CNTNAP2: variants seen among roughly 807,000 people sequenced by gnomAD.
CNTNAP2 encodes contactin associated protein 2, also known as contactin-associated protein-like 2.
In CNTNAP2, 98 loss-of-function variants were observed where a neutral mutation model predicts 155.2. The ratio of observed to expected loss-of-function variants is 0.63; its 90% CI spans 0.54 to 0.75. CNTNAP2 has a LOEUF of 0.75. CNTNAP2 is among the 30% of genes least tolerant of loss of function. CNTNAP2 has a pLI of 0.00. For synonymous variants in CNTNAP2, 651 were observed against 631.2 expected (o/e 1.03, Z -0.47); for missense variants, 1,727 against 1,688.1 (o/e 1.02, Z -0.40).
intron 15 of CNTNAP2, among the ~76,000 whole-genome samples, chr7:148,064,493 G>A (rs1031845630): frequency 1.3e-5 from 2 of 151,822 alleles, no homozygotes; most frequent in African/African-American, 4.8e-5. Flanking sequence ...CGTTCACTAA[G>A]GATATGATTG....
intron 10 of CNTNAP2, among the ~76,000 whole-genome samples, chr7:147,431,259 G>A (rs1016026856): frequency 1.3e-5 from 2 of 152,058 alleles, no homozygotes; most frequent in African/African-American, 4.8e-5. Context: ...AACCTTTAAT[G>A]AATTCCATGT....
At chr7:147,766,793 T>C (rs1304119760) in intron 13 of CNTNAP2, among the ~76,000 whole-genome samples, 3 of 152,138 alleles carry the variant, frequency 2.0e-5, no homozygotes, top group Non-Finnish European at 2.9e-5. Flanking sequence ...TCCCCCAAAA[T>C]ACTATATCTT....
intron 3 of CNTNAP2, among the ~76,000 whole-genome samples, chr7:146,910,326 A>C (rs1203566893): frequency 1.3e-5 from 2 of 150,222 alleles, no homozygotes; most frequent in African/African-American, 5.0e-5. Flanking sequence ...TATGGTACCA[A>C]AAAAGAGCCC....
intron 12 of CNTNAP2, among the ~76,000 whole-genome samples, chr7:147,622,102 T>C (rs1229659972): frequency 6.6e-6 from 1 of 151,972 alleles, no homozygotes; most frequent in Non-Finnish European, 1.5e-5. Flanking sequence ...TTTAAATACA[T>C]ATGCATTTAA....
Position 148,147,672 on chromosome 7 carries a change from C to A in CNTNAP2, c.2736C>A (p.Gly912=). ...PQQIRKAPTE[G]HTRLELYSQL... ...AGATCCGCAAGGCCCCAACAGAAGG[C>A]CACACCCGCCTGGAGCTCTACAGCC... The change falls in exon 17 of 24, where the codon GGC becomes GGA. Residue 912 remains glycine, a synonymous_variant. Transcript: ENST00000361727. 1 of 1,613,966 alleles carries A rather than the reference C, an allele frequency of 6.2e-7. No individual in the cohort carries two copies. Among genetic ancestry groups the A allele is most frequent in the South Asian group, 1.1e-5 (1 of 91,070 alleles).
chr7:147,024,516 A>G (rs949131540), intron 3 of CNTNAP2, among the ~76,000 whole-genome samples: 1 of 152,234 alleles, frequency 6.6e-6, no homozygotes, highest in Non-Finnish European at 1.5e-5. Context: ...GTTGTAAAGA[A>G]ATATTGAGAC....
intron 8 of CNTNAP2, among the ~76,000 whole-genome samples, chr7:147,162,833 T>A (rs1475461974): frequency 6.6e-6 from 1 of 152,204 alleles, no homozygotes; most frequent in African/African-American, 2.4e-5. Flanking sequence ...TATATATTAA[T>A]AATGTTTCTC....
chr7:146,932,405 C>G (rs7798191), intron 3 of CNTNAP2, among the ~76,000 whole-genome samples: 116,641 of 142,086 alleles, frequency 0.82, 45,693 homozygotes, highest in East Asian at 0.99. Flanking sequence ...GCTAAAAACT[C>G]TCAATAAATT....
chr7:148,413,690 T>C lies in CNTNAP2; in HGVS notation c.3797-1727T>C, dbSNP rs912498448. 2.0e-5 allele frequency among the ~76,000 whole-genome samples: 3 copies of C among 152,122 alleles called. No individual in the cohort carries two copies. The East Asian group carries it at 5.8e-4, about 29-fold the overall frequency. ...AGTGTTAAAAAATCTCCAACTATAA[T>C]TGCAAATTGGTCTAATTGTCCTACC... On this transcript the variant is annotated intron_variant, in intron 23 of 23. Coordinates refer to ENST00000361727, the MANE Select transcript of CNTNAP2 (RefSeq NM_014141.6).
At chr7:148,247,074 C>T (rs1296441599) in intron 20 of CNTNAP2, among the ~76,000 whole-genome samples, 1 of 152,136 alleles carries the variant, frequency 6.6e-6, no homozygotes, top group Admixed American at 6.5e-5. Flanking sequence ...ATGATTGACA[C>T]AAACCTCTTC....
At chr7:146,490,479 C>T (rs568385801) in intron 1 of CNTNAP2, among the ~76,000 whole-genome samples, 79 of 152,144 alleles carry the variant, frequency 5.2e-4, no homozygotes, top group African/African-American at 1.7e-3. Context: ...CATGTTTTCC[C>T]GCGACATAAC....
intron 1 of CNTNAP2, among the ~76,000 whole-genome samples, chr7:146,535,596 T>C (rs1393552417): frequency 2.7e-5 from 4 of 150,714 alleles, no homozygotes; most frequent in Non-Finnish European, 5.9e-5. Context: ...TATAAATTTA[T>C]GGGTTGCAAT....
intron 5 of CNTNAP2, among the ~76,000 whole-genome samples, chr7:147,120,382 C>G (rs1023327484): frequency 6.6e-6 from 1 of 152,050 alleles, no homozygotes; most frequent in African/African-American, 2.4e-5. Context: ...CTCAACTTGT[C>G]CTGGAACCCA....
intron 1 of CNTNAP2, among the ~76,000 whole-genome samples, chr7:146,383,582 C>T (rs1025447203): frequency 2.0e-5 from 3 of 152,084 alleles, no homozygotes; most frequent in African/African-American, 7.2e-5. Context: ...TTTGGTGTGA[C>T]CTAGGTGAAT....
At chr7:146,614,127 C>T (rs1799185479) in intron 1 of CNTNAP2, among the ~76,000 whole-genome samples, 2 of 152,012 alleles carry the variant, frequency 1.3e-5, no homozygotes, top group Admixed American at 6.6e-5. Context: ...TTAAGCAATG[C>T]ATTTGTAGAA....
At chr7:146,914,734 C>T (rs1407475961) in intron 3 of CNTNAP2, among the ~76,000 whole-genome samples, 2 of 152,066 alleles carry the variant, frequency 1.3e-5, no homozygotes, top group African/African-American at 4.8e-5. Context: ...AGATTTTCTC[C>T]CACTCTGTGG....
chr7:146,935,592 T>C (rs970456646), intron 3 of CNTNAP2, among the ~76,000 whole-genome samples: 10 of 152,216 alleles, frequency 6.6e-5, no homozygotes, highest in African/African-American at 2.4e-4. Context: ...TCCCTCATGA[T>C]AAGCTGTCTA....
rs988874629 is a variant in CNTNAP2, at chr7:147,421,568, T to G, written c.1670+25788T>G. On this transcript the variant is annotated intron_variant, in intron 10 of 23. Transcript: ENST00000361727. ...AAATATCTAGGGATCTGATATGTCCTGGTATGTCTATCTAATCTGTGTGTG... is the reference window on the plus strand; with the variant it reads ...AAATATCTAGGGATCTGATATGTCCGGGTATGTCTATCTAATCTGTGTGTG... Among the ~76,000 whole-genome samples, 13 of 141,876 alleles carry G rather than the reference T, an allele frequency of 9.2e-5. No individual in the cohort carries two copies. In the East Asian group the frequency reaches 2.5e-3, roughly 28 times the overall value. 93.1% of individuals were successfully genotyped at this position (141,876 alleles called of 152,430 possible). A position where few individuals can be genotyped will look rare whatever the true frequency, so the allele number is the denominator to read the frequency against.
rs567469746 is a variant in CNTNAP2 at position 147,649,548 on chromosome 7, T to C, written c.2098+10242T>C. ...TATTAAAATGAGAGCAACTTAGAAA[T>C]TACACCAAAGCTGAATTTTCTTTGA... On this transcript the variant is annotated intron_variant, in intron 13 of 23. Coordinates refer to ENST00000361727, the MANE Select transcript of CNTNAP2 (RefSeq NM_014141.6). Among the ~76,000 whole-genome samples, 9 of 152,214 alleles carry C rather than the reference T, an allele frequency of 5.9e-5. 1 individual carries two copies. In the South Asian group the frequency reaches 1.5e-3, roughly 25 times the overall value.
Sources: allele counts gnomAD v4.1 joint callset (sites outside exome capture counted in the v4.1 genomes callset), GRCh38; gene constraint gnomAD v4.1.1; transcripts MANE v1.5; gene names NCBI Gene and HGNC (gene_info 2026-07-23, HGNC 2026-07-21).